TRIB2: variants seen among roughly 807,000 people sequenced by gnomAD.
TRIB2 encodes the protein tribbles pseudokinase 2, also known as tribbles homolog 2.
TRIB2 carries 2 observed loss-of-function variants against 26.8 expected under a neutral mutation model. That is an observed-to-expected ratio of 0.07 (90% CI 0.03 to 0.24). TRIB2 has a LOEUF of 0.24. Ranked by LOEUF, TRIB2 falls within the 10% of genes least tolerant of loss-of-function variation. The pLI is 1.00. For missense variants in TRIB2, 306 were observed against 449.0 expected (o/e 0.68, Z 2.88); for synonymous variants, 189 against 187.3 (o/e 1.01, Z -0.08).
In TRIB2 at chr2:12,718,634, G is replaced by A; in HGVS notation, c.270+57G>A. 1 of 1,584,606 alleles carries A rather than the reference G, an allele frequency of 6.3e-7. No homozygotes were observed. The highest frequency in any genetic ancestry group is 8.6e-7 in the Non-Finnish European group (1 of 1,161,414). On this transcript the variant is annotated intron_variant, in intron 1 of 2. Coordinates refer to ENST00000155926, the MANE Select transcript of TRIB2 (RefSeq NM_021643.4). This position sits in a 1 kb window ranked among gnomAD's most constrained non-coding sequence, Gnocchi z 4.0. ...GGAAGGGGCCCGAGGGAGCGGGAGG[G>A]CGCCAGGCCCTCGAGTCTGGGAGAG...
chr2:12,719,056 A>G (rs1032647934), intron 1 of TRIB2, among the ~76,000 whole-genome samples: 1 of 152,184 alleles, frequency 6.6e-6, no homozygotes, highest in African/African-American at 2.4e-5. Context: ...AAACAGACAC[A>G]CAAAGGTGCC....
At chr2:12,725,683 A>G (rs1490639459) in intron 2 of TRIB2, among the ~76,000 whole-genome samples, 1 of 152,252 alleles carries the variant, frequency 6.6e-6, no homozygotes, top group Non-Finnish European at 1.5e-5. Context: ...GATAACCAGA[A>G]AGGAGTATCC....
rs2103261870 is a variant in TRIB2, at chr2:12,741,882, A to G, written c.*1088A>G. The G allele has an allele frequency of 6.5e-6, 1 of 152,706 alleles. No homozygotes were observed. Among genetic ancestry groups the G allele is most frequent in the East Asian group, 1.9e-4 (1 of 5,200 alleles). The allele number at this position is 152,706 out of a possible 1,614,324, so 9.5% of individuals were successfully genotyped here. ...TGGTTTGGACAAAAACCCTCAGTAGAGACAAGCGGGAAGGATAATTAGCTG... is the reference window on the plus strand; with the variant it reads ...TGGTTTGGACAAAAACCCTCAGTAGGGACAAGCGGGAAGGATAATTAGCTG... On this transcript the variant is annotated 3_prime_UTR_variant, in exon 3 of 3. Transcript: ENST00000155926.
In TRIB2 at chr2:12,741,378, C is replaced by T. The variant is rs912027479; in HGVS notation, c.*584C>T. Reference sequence around the variant, plus strand: ...CTTAATCGCTCACTTCAACTCATTTCTTCTAAATAAACTATTTAATATCCT... The same window carrying T: ...CTTAATCGCTCACTTCAACTCATTTTTTCTAAATAAACTATTTAATATCCT... On this transcript the variant is annotated 3_prime_UTR_variant, in exon 3 of 3. Coordinates refer to ENST00000155926, the MANE Select transcript of TRIB2 (RefSeq NM_021643.4). 1.3e-5 allele frequency: 2 copies of T among 153,248 alleles called. No homozygotes were observed. The highest frequency in any genetic ancestry group is 4.8e-5 in the African/African-American group (2 of 41,458). 9.5% of individuals were successfully genotyped at this position (153,248 alleles called of 1,614,324 possible).
At chr2:12,720,886 A>G (rs578091522) in intron 1 of TRIB2, among the ~76,000 whole-genome samples, 3 of 152,336 alleles carry the variant, frequency 2.0e-5, no homozygotes, top group Non-Finnish European at 4.4e-5. Flanking sequence ...ACTGGTAGCT[A>G]CTGTGCAGAT....
chr2:12,732,325 G>T lies in TRIB2; in HGVS notation c.564-8001G>T, dbSNP rs1661474728. 6.6e-6 allele frequency among the ~76,000 whole-genome samples: 1 copy of T among 152,146 alleles called. No homozygotes were observed. Among genetic ancestry groups the T allele is most frequent in the Non-Finnish European group, 1.5e-5 (1 of 68,020 alleles). The stretch of plus-strand genomic sequence containing the variant: ...TCAGATTGGGTTTCCCATCCCAACT[G>T]TGCTATTTCCAAGCAAGTTCCTTCA... On this transcript the variant is annotated intron_variant, in intron 2 of 2. Transcript: ENST00000155926. The surrounding 1 kb of genome is among the most constrained non-coding windows in gnomAD (Gnocchi z 4.2).
chr2:12,739,879 G>GT (rs1434145399), intron 2 of TRIB2, among the ~76,000 whole-genome samples: 1 of 152,216 alleles, frequency 6.6e-6, no homozygotes, highest in East Asian at 1.9e-4. Flanking sequence ...GGTCTGTCAT[G>GT]TTAGTTACAC....
chr2:12,718,199 C>T lies in TRIB2; in HGVS notation c.-109C>T. 2.8e-5 allele frequency: 39 copies of T among 1,414,732 alleles called. No individual in the cohort carries two copies. Among genetic ancestry groups the T allele is most frequent in the Middle Eastern group, 2.5e-4 (1 of 3,938 alleles). 87.6% of individuals were successfully genotyped at this position (1,414,732 alleles called of 1,614,324 possible). ...CAGCCCCTCTTCTGTCCCCTCCCCTCTCGCTCCCTTTTAAAATCAGTGGCA... is the reference window on the plus strand; with the variant it reads ...CAGCCCCTCTTCTGTCCCCTCCCCTTTCGCTCCCTTTTAAAATCAGTGGCA... On this transcript the variant is annotated 5_prime_UTR_variant, in exon 1 of 3. Transcript: ENST00000155926. This position sits in a 1 kb window ranked among gnomAD's most constrained non-coding sequence, Gnocchi z 4.0.
chr2:12,731,567 G>A (rs959106184), intron 2 of TRIB2, among the ~76,000 whole-genome samples: 16 of 152,292 alleles, frequency 1.1e-4, no homozygotes, highest in African/African-American at 2.6e-4. Flanking sequence ...GTTTAAACCC[G>A]ACACTTTTAT....
In TRIB2 at chr2:12,732,305, T is replaced by C. The variant is rs1661474435; in HGVS notation, c.564-8021T>C. On this transcript the variant is annotated intron_variant, in intron 2 of 2. Coordinates refer to ENST00000155926, the MANE Select transcript of TRIB2 (RefSeq NM_021643.4). This position sits in a 1 kb window ranked among gnomAD's most constrained non-coding sequence, Gnocchi z 4.2. ...AAAACCCCTGAGTATTTGAGTCAGA[T>C]TGGGTTTCCCATCCCAACTGTGCTA... 6.6e-6 allele frequency among the ~76,000 whole-genome samples: 1 copy of C among 152,152 alleles called. No homozygotes were observed. The highest frequency in any genetic ancestry group is 6.5e-5 in the Admixed American group (1 of 15,282).
At position 12,740,713 on chromosome 2, in the gene TRIB2, A is replaced by G; in HGVS notation, c.951A>G (p.Ser317=). ...WFSTDFSVSN[S]AYGAKEVSDQ... ...CTACAGATTTTAGCGTCTCGAATTC[A>G]GCATATGGTGCTAAGGAAGTGTCTG... The change falls in exon 3 of 3, where the codon TCA becomes TCG. Residue 317 remains serine (S), a synonymous_variant. Transcript: ENST00000155926. This position sits in a 1 kb window ranked among gnomAD's most constrained non-coding sequence, Gnocchi z 5.8. 1 of 1,614,200 alleles carries G rather than the reference A, an allele frequency of 6.2e-7. No individual in the cohort carries two copies. The highest frequency in any genetic ancestry group is 8.5e-7 in the Non-Finnish European group (1 of 1,180,046).
Position 12,740,252 on chromosome 2 carries a change from G to A in TRIB2, c.564-74G>A, listed in dbSNP as rs557056607. 21 of 1,370,856 alleles carry A rather than the reference G, an allele frequency of 1.5e-5. No individual in the cohort carries two copies. Among genetic ancestry groups the A allele is most frequent in the African/African-American group, 1.3e-4 (9 of 69,464 alleles). The allele number at this position is 1,370,856 out of a possible 1,614,324, so 84.9% of individuals were successfully genotyped here. On this transcript the variant is annotated intron_variant, in intron 2 of 2. Transcript: ENST00000155926. The surrounding 1 kb of genome is among the most constrained non-coding windows in gnomAD (Gnocchi z 5.8). ...AGGAGTCTTCAGAAACACTATAGTC[G>A]GTTATGTTATGATGCTGGTGGTAAC...
At position 12,717,040 on chromosome 2, in the gene TRIB2, G is replaced by T. The variant is rs1254191112; in HGVS notation, c.-1268G>T. On this transcript the variant is annotated 5_prime_UTR_variant, in exon 1 of 3. Transcript: ENST00000155926. The surrounding 1 kb of genome is among the most constrained non-coding windows in gnomAD (Gnocchi z 4.8). Reference sequence around the variant, plus strand: ...GTAACTATTAATACCGCCTCGCCGGGGGATGCGGGCGTGCTGAGCGCGGGG... The same window carrying T: ...GTAACTATTAATACCGCCTCGCCGGTGGATGCGGGCGTGCTGAGCGCGGGG... 2 of 213,290 alleles carry T rather than the reference G, an allele frequency of 9.4e-6. No individual in the cohort carries two copies. Among genetic ancestry groups the T allele is most frequent in the African/African-American group, 4.6e-5 (2 of 43,760 alleles). 13.2% of individuals were successfully genotyped at this position (213,290 alleles called of 1,614,324 possible).
Position 12,718,272 on chromosome 2 carries a change from G to GTTTT in TRIB2, c.-30_-27dup. 2 of 1,578,664 alleles carry GTTTT rather than the reference G, an allele frequency of 1.3e-6. No homozygotes were observed. The highest frequency in any genetic ancestry group is 1.7e-6 in the Non-Finnish European group (2 of 1,158,982). ...CGCCAGCGACTCATCTCTCCAGCGG[G>GTTTT]TTTTTTTTTGTTTGTCGTGTGCGAT... is the stretch of plus-strand genomic sequence containing the variant. On this transcript the variant is annotated 5_prime_UTR_variant, in exon 1 of 3. Coordinates refer to ENST00000155926, the MANE Select transcript of TRIB2 (RefSeq NM_021643.4). The surrounding 1 kb of genome is among the most constrained non-coding windows in gnomAD (Gnocchi z 4.0).
chr2:12,730,014 T>C (rs905076725), intron 2 of TRIB2, among the ~76,000 whole-genome samples: 1 of 152,172 alleles, frequency 6.6e-6, no homozygotes, highest in African/African-American at 2.4e-5. Flanking sequence ...AGCCCGGAGA[T>C]TCAATTATTT....
Position 12,718,588 on chromosome 2 carries a change from A to AGT in TRIB2, c.270+13_270+14dup, listed in dbSNP as rs749904372. The AGT allele has an allele frequency of 1.9e-6, 3 of 1,606,534 alleles. No individual in the cohort carries two copies. The South Asian group carries it at 3.3e-5, about 18-fold the overall frequency. On this transcript the variant is annotated intron_variant, in intron 1 of 2. Transcript: ENST00000155926. The surrounding 1 kb of genome is among the most constrained non-coding windows in gnomAD (Gnocchi z 4.0). ...GAGCTGGTGTGCAAGGTAAAGGGCC[A>AGT]GTGGGTTGCTTTTTGTCTTTGGAAG...
intron 2 of TRIB2, among the ~76,000 whole-genome samples, chr2:12,739,192 C>T (rs1304821760): frequency 6.6e-6 from 1 of 152,216 alleles, no homozygotes; most frequent in South Asian, 2.1e-4. Flanking sequence ...TGGTCAAGGA[C>T]AAGGCCTTGG....
In TRIB2 at chr2:12,742,583, C is replaced by T. The variant is rs749273529; in HGVS notation, c.*1789C>T. 1 of 151,158 alleles carries T rather than the reference C, an allele frequency of 6.6e-6. No homozygotes were observed. The highest frequency in any genetic ancestry group is 6.6e-5 in the Admixed American group (1 of 15,198). The allele number at this position is 151,158 out of a possible 1,614,324, so 9.4% of individuals were successfully genotyped here. ...TGTGTCAAGAAGGACCTTTTTTTTC[C>T]CCTCTCCCCTATTTTTTAAGTACCT... On this transcript the variant is annotated 3_prime_UTR_variant, in exon 3 of 3. Transcript: ENST00000155926.
chr2:12,722,059 T>C (rs915095533), intron 1 of TRIB2, among the ~76,000 whole-genome samples: 2 of 151,990 alleles, frequency 1.3e-5, no homozygotes, highest in African/African-American at 4.8e-5. Context: ...AGGAGGGAGG[T>C]CCAGTAACCC....
Sources: allele counts gnomAD v4.1 joint callset (sites outside exome capture counted in the v4.1 genomes callset), GRCh38; gene constraint gnomAD v4.1.1; non-coding constraint Gnocchi (gnomAD v3.1); transcripts MANE v1.5; gene names NCBI Gene and HGNC (gene_info 2026-07-23, HGNC 2026-07-21).